The following PDZD2 variants were observed in gnomAD, a reference collection of about 807,000 sequenced individuals.
The protein encoded by PDZD2 is PDZ domain-containing protein 2.
In PDZD2, 90 loss-of-function variants were observed where a neutral mutation model predicts 220.7. The ratio of observed to expected loss-of-function variants is 0.41; its 90% confidence interval spans 0.34 to 0.49. PDZD2 has a LOEUF of 0.49. Among genes scored for constraint, PDZD2 ranks in the 20% least tolerant of loss-of-function variants. PDZD2 has a pLI of 0.28. For synonymous variants in PDZD2, 1,375 were observed against 1,450.5 expected (o/e 0.95, Z 1.18); for missense variants, 3,174 against 3,608.5 (o/e 0.88, Z 3.08).
At chr5:31,730,590 GTGGTGT>G (rs1174717242) in intron 1 of PDZD2, among the ~76,000 whole-genome samples, 1 of 112,448 alleles carries the variant, frequency 8.9e-6, no homozygotes, top group African/African-American at 3.5e-5. Context: ...GTGTGTGTGT[GTGGTGT>G]GTGTGTGTGT....
At chr5:31,839,504 C>T (rs1425998535) in intron 2 of PDZD2, among the ~76,000 whole-genome samples, 2 of 152,178 alleles carry the variant, frequency 1.3e-5, no homozygotes, top group Admixed American at 6.5e-5. Flanking sequence ...GCCTAAGAGA[C>T]AGAAACCTGA....
intron 2 of PDZD2, among the ~76,000 whole-genome samples, chr5:31,966,006 C>A (rs571278725): frequency 3.3e-5 from 5 of 152,322 alleles, no homozygotes; most frequent in African/African-American, 1.2e-4. Context: ...TCATCCAAAC[C>A]TGGTCATGAT....
chr5:31,793,520 A>G (rs1753836709), intron 1 of PDZD2, among the ~76,000 whole-genome samples: 1 of 152,090 alleles, frequency 6.6e-6, no homozygotes, highest in African/African-American at 2.4e-5. Flanking sequence ...GAAAAGCTTT[A>G]TAATGGCTGG....
intron 1 of PDZD2, among the ~76,000 whole-genome samples, chr5:31,671,863 G>A (rs571225193): frequency 3.3e-5 from 5 of 152,304 alleles, no homozygotes; most frequent in South Asian, 4.1e-4. Context: ...TAAAGGGCTT[G>A]CCTCTCTGCT....
chr5:32,085,972 C>T, intron 19 of PDZD2, among the ~76,000 whole-genome samples: 1 of 151,966 alleles, frequency 6.6e-6, no homozygotes, highest in South Asian at 2.1e-4. Flanking sequence ...CATTGTCTTC[C>T]TTACCTTCCT....
intron 5 of PDZD2, among the ~76,000 whole-genome samples, chr5:32,001,877 C>A (rs1180103134): frequency 2.6e-5 from 4 of 152,092 alleles, no homozygotes; most frequent in Non-Finnish European, 5.9e-5. Flanking sequence ...AGGGCAGAGG[C>A]TATGTGACCG....
At chr5:32,044,799 C>A (rs1041855113) in intron 7 of PDZD2, among the ~76,000 whole-genome samples, 1 of 152,156 alleles carries the variant, frequency 6.6e-6, no homozygotes. Context: ...GAGGACAGAT[C>A]TCTCCTTTGA....
intron 2 of PDZD2, among the ~76,000 whole-genome samples, chr5:31,883,413 G>A (rs1406285959): frequency 6.6e-6 from 1 of 151,514 alleles, no homozygotes; most frequent in Non-Finnish European, 1.5e-5. Context: ...TAGAGATGGG[G>A]TTTTGCCAAG....
chr5:31,732,139 C>G (rs376582612), intron 1 of PDZD2, among the ~76,000 whole-genome samples: 3 of 152,344 alleles, frequency 2.0e-5, no homozygotes, highest in African/African-American at 7.2e-5. Context: ...ACCTCCCAAG[C>G]CTGGCTATCC....
intron 2 of PDZD2, among the ~76,000 whole-genome samples, chr5:31,963,648 G>C (rs1046497505): frequency 6.6e-6 from 1 of 152,214 alleles, no homozygotes; most frequent in Non-Finnish European, 1.5e-5. Flanking sequence ...GATCATCCTC[G>C]GAGTTCAGGT....
chr5:31,774,719 CAAA>C, intron 1 of PDZD2, among the ~76,000 whole-genome samples: 2 of 140,778 alleles, frequency 1.4e-5, no homozygotes, highest in Non-Finnish European at 3.1e-5. Flanking sequence ...AACTCCCTCT[CAAA>C]AAAAAAACAA....
chr5:31,913,021 G>T (rs890407594), intron 2 of PDZD2, among the ~76,000 whole-genome samples: 2 of 152,194 alleles, frequency 1.3e-5, no homozygotes, highest in African/African-American at 4.8e-5. Context: ...AGCATCACAT[G>T]TAGGCCCAAG....
chr5:32,073,004 C>T (rs1403924503), intron 17 of PDZD2, among the ~76,000 whole-genome samples: 2 of 144,476 alleles, frequency 1.4e-5, no homozygotes, highest in African/African-American at 5.3e-5. Flanking sequence ...TCATAAGAGA[C>T]ATATTATCAA....
At chr5:31,825,773 T>C (rs1193303698) in intron 2 of PDZD2, among the ~76,000 whole-genome samples, 1 of 152,200 alleles carries the variant, frequency 6.6e-6, no homozygotes, top group Non-Finnish European at 1.5e-5. Flanking sequence ...ATAGTTACCA[T>C]TTCCTGAGTA....
At chr5:31,826,427 C>A (rs1190203137) in intron 2 of PDZD2, among the ~76,000 whole-genome samples, 1 of 152,104 alleles carries the variant, frequency 6.6e-6, no homozygotes, top group Non-Finnish European at 1.5e-5. Context: ...AATCTCAGCA[C>A]TTTGGGAAGC....
intron 1 of PDZD2, among the ~76,000 whole-genome samples, chr5:31,745,567 C>A (rs527484928): frequency 3.3e-5 from 5 of 152,186 alleles, no homozygotes; most frequent in Non-Finnish European, 7.3e-5. Context: ...CATGCTTTCA[C>A]GCTCCCTCTC....
intron 6 of PDZD2, among the ~76,000 whole-genome samples, chr5:32,011,294 G>C (rs1179353098): frequency 6.6e-6 from 1 of 150,644 alleles, no homozygotes; most frequent in Admixed American, 6.6e-5. Flanking sequence ...TCGGAGACCA[G>C]CCTGGCCAAC....
At chr5:32,012,173 C>T (rs1753373206) in intron 6 of PDZD2, among the ~76,000 whole-genome samples, 1 of 152,250 alleles carries the variant, frequency 6.6e-6, no homozygotes, top group African/African-American at 2.4e-5. Flanking sequence ...GTCTAGAGGG[C>T]TCATCCCTAC....
chr5:32,050,007 C>T (rs921621357), intron 8 of PDZD2, among the ~76,000 whole-genome samples: 2 of 152,208 alleles, frequency 1.3e-5, no homozygotes, highest in African/African-American at 2.4e-5. Flanking sequence ...GACCTTGGCT[C>T]ACTGCAACCT....
Sources: gnomAD v4.1 joint callset for allele counts (sites outside exome capture counted in the v4.1 genomes callset) on GRCh38, gnomAD v4.1.1 for gene constraint, MANE v1.5 for transcripts, NCBI Gene and HGNC (gene_info 2026-07-23, HGNC 2026-07-21) for gene names.